Variants in DTNA observed in about 807,000 individuals in gnomAD.
DTNA encodes the protein dystrobrevin alpha, also known as dystrophin-related protein 3.
Under a neutral mutation model 100.7 loss-of-function variants are expected in DTNA, and 43 were observed. The ratio of observed to expected loss-of-function variants is 0.43; its 90% CI spans 0.33 to 0.55. The LOEUF (loss-of-function observed/expected upper bound fraction) is 0.55, where lower values mean the gene tolerates loss of function less well. DTNA is among the 20% of genes least tolerant of loss of function. The pLI is 0.04. For missense variants in DTNA, 798 were observed against 953.9 expected, an observed-to-expected ratio of 0.84 and a Z score of 2.15; for synonymous variants, 349 against 347.9, an observed-to-expected ratio of 1.00 and a Z score of -0.04.
chr18:34,879,557 GGAGTGAAACAGA>G lies in DTNA; in HGVS notation c.2005_2016del (p.Glu669_Ser672del). 2.5e-6 allele frequency: 4 copies of G among 1,614,004 alleles called. No individual in the cohort carries two copies. The highest frequency in any genetic ancestry group is 3.4e-6 in the Non-Finnish European group (4 of 1,179,966). ...CTTCAATTGTATCTGCTAGAGGTTG[GGAGTGAAACAGA>G]GAGTAATGTGGATTCTGAATTTGCA... On this transcript the variant is annotated inframe_deletion, in exon 20 of 23. Coordinates refer to ENST00000444659, the MANE Select transcript of DTNA (RefSeq NM_001386795.1).
chr18:34,502,505 T>C (rs2040037312), intron 1 of DTNA, among the ~76,000 whole-genome samples: 1 of 152,214 alleles, frequency 6.6e-6, no homozygotes, highest in African/African-American at 2.4e-5. Flanking sequence ...TGCTATAGAT[T>C]TCCCTCTCAG....
At chr18:34,753,133 C>T (rs935549868) in intron 1 of DTNA, among the ~76,000 whole-genome samples, 2 of 151,934 alleles carry the variant, frequency 1.3e-5, no homozygotes, top group African/African-American at 4.8e-5. Context: ...GTTGGTTGGA[C>T]TTTGCTGGGC....
intron 5 of DTNA, among the ~76,000 whole-genome samples, chr18:34,811,117 T>C (rs960111156): frequency 6.6e-6 from 1 of 152,226 alleles, no homozygotes; most frequent in Admixed American, 6.5e-5. Flanking sequence ...GTTAGCATGG[T>C]GACAAACTAT....
intron 21 of DTNA, among the ~76,000 whole-genome samples, chr18:34,883,216 G>A (rs764588227): frequency 6.6e-5 from 10 of 152,176 alleles, no homozygotes; most frequent in African/African-American, 9.6e-5. Context: ...ATGTTTGCCT[G>A]GTTGAACCTG....
At chr18:34,535,064 CCA>C (rs1419176642) in intron 1 of DTNA, among the ~76,000 whole-genome samples, 1 of 152,118 alleles carries the variant, frequency 6.6e-6, no homozygotes, top group Non-Finnish European at 1.5e-5. Flanking sequence ...TGAGGAATCG[CCA>C]CAGTGTGTTC....
intron 1 of DTNA, among the ~76,000 whole-genome samples, chr18:34,670,067 C>T (rs111764849): frequency 0.12 from 18,737 of 152,126 alleles, 1,820 homozygotes; most frequent in African/African-American, 0.27. Context: ...GGTATACCAA[C>T]CAGATGTAGA....
At position 34,890,394 on chromosome 18, in the gene DTNA, G is replaced by C; in HGVS notation, c.*2660G>C. The C allele has an allele frequency of 6.5e-7, 1 of 1,536,084 alleles. No homozygotes were observed. Among genetic ancestry groups the C allele is most frequent in the East Asian group, 2.4e-5 (1 of 40,920 alleles). On this transcript the variant is annotated 3_prime_UTR_variant, in exon 23 of 23. Transcript: ENST00000444659. ...TTTTGGGGTTTTGTGTTTTTTGGTG[G>C]GTTTCTTTCCTTGGCTCTCCAGATT...
At chr18:34,682,045 A>G (rs1293532810) in intron 1 of DTNA, among the ~76,000 whole-genome samples, 1 of 152,146 alleles carries the variant, frequency 6.6e-6, no homozygotes, top group African/African-American at 2.4e-5. Flanking sequence ...AGTTGAAATC[A>G]TACAGTGTGT....
Position 34,675,935 on chromosome 18 carries a change from G to A in DTNA, c.-1-80041G>A, listed in dbSNP as rs543061443. Among the ~76,000 whole-genome samples, 20 of 152,272 alleles carry A rather than the reference G, an allele frequency of 1.3e-4. No homozygotes were observed. In the East Asian group the frequency reaches 3.5e-3, roughly 26 times the overall value. ...GAGACAATGAATAAATAATACATCAGGTAGTGGCAGTACAGGGGAATATAT... is the reference window on the plus strand; with the variant it reads ...GAGACAATGAATAAATAATACATCAAGTAGTGGCAGTACAGGGGAATATAT... On this transcript the variant is annotated intron_variant, in intron 1 of 19. Coordinates refer to the DTNA transcript ENST00000283365.
At chr18:34,746,181 A>T (rs2091544229) in intron 1 of DTNA, among the ~76,000 whole-genome samples, 1 of 147,100 alleles carries the variant, frequency 6.8e-6, no homozygotes, top group African/African-American at 2.5e-5. Flanking sequence ...CAGTCTTCTA[A>T]TTTGGGGGGG....
rs112231947 is a variant in DTNA, at chr18:34,580,997, G to A, written c.-2+87483G>A. 2.6e-3 allele frequency among the ~76,000 whole-genome samples: 389 copies of A among 152,270 alleles called. 4 individuals are homozygous for A. Among genetic ancestry groups the A allele is most frequent in the African/African-American group, 8.7e-3 (361 of 41,564 alleles). On this transcript the variant is annotated intron_variant, in intron 1 of 19. Coordinates refer to the DTNA transcript ENST00000283365. ...GCGGTGGCTCACGCCTGTAATCCCA[G>A]CACTTTGGGAGGCCAAGGCAGGCGG...
At chr18:34,602,652 A>G (rs746900563) in intron 1 of DTNA, among the ~76,000 whole-genome samples, 7 of 152,018 alleles carry the variant, frequency 4.6e-5, no homozygotes, top group Non-Finnish European at 1.0e-4. Context: ...TCATCAGGCC[A>G]GGAGTTCAAG....
At chr18:34,804,169 T>C (rs934951363) in intron 4 of DTNA, among the ~76,000 whole-genome samples, 4 of 151,744 alleles carry the variant, frequency 2.6e-5, no homozygotes, top group African/African-American at 4.8e-5. Flanking sequence ...TCTTGACAAA[T>C]GGATGGGAGG....
intron 3 of DTNA, among the ~76,000 whole-genome samples, chr18:34,768,157 A>G (rs919206457): frequency 6.8e-4 from 103 of 152,250 alleles, no homozygotes; most frequent in African/African-American, 2.1e-3. Flanking sequence ...TTACCACTAC[A>G]ATGGCCTCAG....
intron 1 of DTNA, among the ~76,000 whole-genome samples, chr18:34,732,092 A>G (rs758937739): frequency 6.6e-6 from 1 of 152,176 alleles, no homozygotes; most frequent in Non-Finnish European, 1.5e-5. Context: ...AAAAGAGAAT[A>G]TTTATTTGCC....
At chr18:34,634,344 T>G (rs1228983330) in intron 1 of DTNA, among the ~76,000 whole-genome samples, 5 of 152,266 alleles carry the variant, frequency 3.3e-5, no homozygotes, top group Middle Eastern at 6.8e-3. Context: ...ATTAAGAAAT[T>G]TAAAATTTTT....
chr18:34,667,045 C>T (rs1005446597), intron 1 of DTNA, among the ~76,000 whole-genome samples: 5 of 152,144 alleles, frequency 3.3e-5, no homozygotes, highest in African/African-American at 9.7e-5. Context: ...TTGATTCTTC[C>T]TATCCATGAG....
chr18:34,588,428 T>C (rs2049354781), intron 1 of DTNA, among the ~76,000 whole-genome samples: 1 of 152,118 alleles, frequency 6.6e-6, no homozygotes, highest in African/African-American at 2.4e-5. Context: ...TCCCGCCTGC[T>C]CTTCTCTCGT....
At chr18:34,536,052 A>G (rs2043677523) in intron 1 of DTNA, among the ~76,000 whole-genome samples, 1 of 151,986 alleles carries the variant, frequency 6.6e-6, no homozygotes, top group South Asian at 2.1e-4. Flanking sequence ...TAATTTTCTG[A>G]CATAAAATAA....
Sources: allele counts gnomAD v4.1 joint callset (sites outside exome capture counted in the v4.1 genomes callset), GRCh38; gene constraint gnomAD v4.1.1; transcripts MANE v1.5; gene names NCBI Gene and HGNC (gene_info 2026-07-23, HGNC 2026-07-21).